The following LEKR1 variants were observed in gnomAD, a reference collection of about 807,000 sequenced individuals.
The protein encoded by LEKR1 is protein LEKR1.
In LEKR1, 59 loss-of-function variants were observed where a neutral mutation model predicts 72.4. That is an observed-to-expected ratio of 0.82 (90% CI 0.66 to 1.01). The LOEUF (loss-of-function observed/expected upper bound fraction) is 1.01. LEKR1 is among the 50% of genes least tolerant of loss of function. The pLI, the probability that LEKR1 is intolerant of heterozygous loss-of-function variation, is 0.00. For synonymous variants in LEKR1, 257 were observed against 263.2 expected, an observed-to-expected ratio of 0.98 and a Z score of 0.23; for missense variants, 728 against 759.2, an observed-to-expected ratio of 0.96 and a Z score of 0.48.
intron 6 of LEKR1, among the ~76,000 whole-genome samples, chr3:156,951,011 A>G (rs1480664519): frequency 6.6e-6 from 1 of 151,454 alleles, no homozygotes; most frequent in African/African-American, 2.4e-5. Flanking sequence ...TTTGGCATAG[A>G]CAGCTCTTAT....
intron 3 of LEKR1, among the ~76,000 whole-genome samples, chr3:156,890,615 G>T (rs887178033): frequency 6.6e-6 from 1 of 152,100 alleles, no homozygotes; most frequent in Non-Finnish European, 1.5e-5. Context: ...AAAAATGCAT[G>T]CAGACTTCAG....
intron 3 of LEKR1, among the ~76,000 whole-genome samples, chr3:156,862,867 CTTAA>C (rs1434709026): frequency 1.3e-5 from 2 of 151,996 alleles, no homozygotes; most frequent in African/African-American, 2.4e-5. Flanking sequence ...AACTGTAGAA[CTTAA>C]TTATTACTTT....
intron 3 of LEKR1, among the ~76,000 whole-genome samples, chr3:156,877,069 A>G (rs1718684184): frequency 6.6e-6 from 1 of 152,114 alleles, no homozygotes; most frequent in African/African-American, 2.4e-5. Context: ...TTCTGCACCT[A>G]TTGAGATGAT....
intron 12 of LEKR1, among the ~76,000 whole-genome samples, chr3:157,031,213 C>T (rs1734584680): frequency 6.6e-6 from 1 of 152,094 alleles, no homozygotes; most frequent in African/African-American, 2.4e-5. Flanking sequence ...GCAGTTGGAA[C>T]TCTTCCTGCT....
intron 9 of LEKR1, among the ~76,000 whole-genome samples, chr3:156,996,411 G>A (rs548575921): frequency 1.3e-5 from 2 of 152,258 alleles, no homozygotes; most frequent in South Asian, 4.1e-4. Context: ...GTGGCTAGTG[G>A]CATAGTAAGT....
intron 11 of LEKR1, among the ~76,000 whole-genome samples, chr3:157,025,133 G>A (rs1033238916): frequency 1.3e-5 from 2 of 152,132 alleles, no homozygotes; most frequent in Admixed American, 6.6e-5. Context: ...ATCCAGCTAT[G>A]TATGGATTTT....
chr3:156,890,512 G>T lies in LEKR1; in HGVS notation c.264-30063G>T, dbSNP rs576832944. On this transcript the variant is annotated intron_variant, in intron 3 of 12. Coordinates refer to ENST00000356539, the MANE Select transcript of LEKR1 (RefSeq NM_001004316.3). ...GCTTTAATAAACCCCCAAACCTAAT[G>T]CTATAATTTTTAATTATTTCTAAAT... 6.6e-5 allele frequency among the ~76,000 whole-genome samples: 10 copies of T among 152,134 alleles called. No individual in the cohort carries two copies. The South Asian group carries it at 1.9e-3, about 28-fold the overall frequency.
chr3:156,870,670 C>CT (rs1451327884), intron 3 of LEKR1, among the ~76,000 whole-genome samples: 1 of 152,100 alleles, frequency 6.6e-6, no homozygotes, highest in East Asian at 1.9e-4. Flanking sequence ...CCTTTTATTC[C>CT]TTTCTCTTGC....
At chr3:156,932,954 C>T (rs182537062) in intron 5 of LEKR1, among the ~76,000 whole-genome samples, 56 of 151,382 alleles carry the variant, frequency 3.7e-4, no homozygotes, top group African/African-American at 1.1e-3. Context: ...GGCGTGAACC[C>T]GGGAGGCAGA....
intron 6 of LEKR1, among the ~76,000 whole-genome samples, chr3:156,967,770 G>C (rs1728765877): frequency 6.6e-6 from 1 of 152,144 alleles, no homozygotes; most frequent in African/African-American, 2.4e-5. Context: ...AGGAGATACA[G>C]AGAATGCCAC....
At chr3:156,924,696 G>A (rs985777135) in intron 4 of LEKR1, 7 of 416,928 alleles carry the variant, frequency 1.7e-5, no homozygotes, top group African/African-American at 1.4e-4. Flanking sequence ...AGTGCTGTTT[G>A]TTAGAGGCCA....
intron 3 of LEKR1, among the ~76,000 whole-genome samples, chr3:156,917,092 A>G (rs1723728079): frequency 6.6e-6 from 1 of 152,132 alleles, no homozygotes; most frequent in South Asian, 2.1e-4. Flanking sequence ...GGGACAAGAA[A>G]AGGGGCAATT....
intron 10 of LEKR1, among the ~76,000 whole-genome samples, chr3:157,011,748 T>A (rs982245123): frequency 6.6e-6 from 1 of 152,134 alleles, no homozygotes; most frequent in African/African-American, 2.4e-5. Flanking sequence ...TTGGTTCTCA[T>A]GAAAAAGCAT....
At chr3:156,957,756 G>A (rs529273686) in intron 6 of LEKR1, among the ~76,000 whole-genome samples, 20 of 152,094 alleles carry the variant, frequency 1.3e-4, no homozygotes, top group African/African-American at 4.8e-4. Flanking sequence ...GCAGAGCAAA[G>A]AGCTATTTTT....
intron 3 of LEKR1, among the ~76,000 whole-genome samples, 158 bp from the exon 4 acceptor site, chr3:156,920,417 T>A (rs1172661708): frequency 6.6e-6 from 1 of 152,162 alleles, no homozygotes; most frequent in African/African-American, 2.4e-5. Flanking sequence ...TGCCCAAGAT[T>A]TGGTCTCTCC....
At chr3:156,989,857 A>AT (rs1030286523) in intron 7 of LEKR1, among the ~76,000 whole-genome samples, 1 of 151,464 alleles carries the variant, frequency 6.6e-6, no homozygotes, top group African/African-American at 2.4e-5. Context: ...ACACACACAA[A>AT]TTTTTTTCCT....
chr3:157,039,089 G>C (rs906143705), intron 12 of LEKR1, among the ~76,000 whole-genome samples: 3 of 152,126 alleles, frequency 2.0e-5, no homozygotes, highest in Non-Finnish European at 4.4e-5. Flanking sequence ...AAAAACAAAG[G>C]AAAGTACATG....
At chr3:156,997,247 C>T (rs1188708509) in intron 9 of LEKR1, among the ~76,000 whole-genome samples, 1 of 152,120 alleles carries the variant, frequency 6.6e-6, no homozygotes, top group Non-Finnish European at 1.5e-5. Context: ...TGCAGACATT[C>T]CTTAAAATTC....
chr3:156,988,347 C>A, intron 7 of LEKR1: 1 of 224,154 alleles, frequency 4.5e-6, no homozygotes, highest in South Asian at 8.4e-5. Flanking sequence ...GCCTCTGGGT[C>A]AGCTGATTAA....
Sources: allele counts gnomAD v4.1 joint callset (sites outside exome capture counted in the v4.1 genomes callset), GRCh38; gene constraint gnomAD v4.1.1; transcripts MANE v1.5; gene names NCBI Gene and HGNC (gene_info 2026-07-23, HGNC 2026-07-21).